The following SRBD1 variants were observed in gnomAD, a reference collection of about 807,000 sequenced individuals.
The protein encoded by SRBD1 is S1 RNA-binding domain-containing protein 1.
A neutral mutation model predicts 115.3 loss-of-function variants in SRBD1; 88 were observed. The ratio of observed to expected loss-of-function variants is 0.76; its 90% CI spans 0.64 to 0.91. The LOEUF (loss-of-function observed/expected upper bound fraction) is 0.91, where lower values mean the gene tolerates loss of function less well. Among genes scored for constraint, SRBD1 ranks in the 40% least tolerant of loss-of-function variants. The pLI is 0.00. For missense variants in SRBD1, 1,385 were observed against 1,177.4 expected, an observed-to-expected ratio of 1.18 and a Z score of -2.58; for synonymous variants, 509 against 407.7, an observed-to-expected ratio of 1.25 and a Z score of -2.99.
chr2:45,570,493 T>C (rs143767678), intron 9 of SRBD1, among the ~76,000 whole-genome samples: 73 of 152,296 alleles, frequency 4.8e-4, no homozygotes, highest in Non-Finnish European at 7.5e-4. Flanking sequence ...TTAAAGACGT[T>C]GTTAGGAGTG....
At chr2:45,540,595 C>A (rs1462993506) in intron 14 of SRBD1, among the ~76,000 whole-genome samples, 1 of 151,970 alleles carries the variant, frequency 6.6e-6, no homozygotes, top group Non-Finnish European at 1.5e-5. Context: ...AAGTCACAGA[C>A]TGGGAAAAAA....
intron 10 of SRBD1, among the ~76,000 whole-genome samples, chr2:45,557,471 C>T (rs1469393419): frequency 6.6e-6 from 1 of 152,188 alleles, no homozygotes; most frequent in African/African-American, 2.4e-5. Flanking sequence ...AAGATCCTCC[C>T]TTGGCTTGGA....
At chr2:45,390,009 G>A (rs2103808330) in intron 20 of SRBD1, among the ~76,000 whole-genome samples, 1 of 152,138 alleles carries the variant, frequency 6.6e-6, no homozygotes, top group African/African-American at 2.4e-5. Flanking sequence ...TTCCCCCAGT[G>A]CCTGGATTAT....
intron 16 of SRBD1, among the ~76,000 whole-genome samples, chr2:45,423,899 T>A (rs1572625315): frequency 6.6e-6 from 1 of 152,272 alleles, no homozygotes; most frequent in East Asian, 1.9e-4. Context: ...AGACTCACAT[T>A]GTTTTCATTT....
intron 14 of SRBD1, among the ~76,000 whole-genome samples, chr2:45,500,275 G>A (rs1403198892): frequency 6.7e-6 from 1 of 149,134 alleles, no homozygotes; most frequent in African/African-American, 2.5e-5. Flanking sequence ...TTCTGTGCAT[G>A]TCTCTGTGTG....
chr2:45,398,685 A>G (rs1390187038), intron 19 of SRBD1, among the ~76,000 whole-genome samples: 2 of 152,182 alleles, frequency 1.3e-5, no homozygotes, highest in Non-Finnish European at 2.9e-5. Flanking sequence ...AAGTCCCGAG[A>G]TAGAAATCTT....
intron 15 of SRBD1, among the ~76,000 whole-genome samples, chr2:45,480,016 G>A (rs1280226531): frequency 6.6e-6 from 1 of 152,110 alleles, no homozygotes; most frequent in East Asian, 1.9e-4. Flanking sequence ...AAGCCTGCAC[G>A]ATGGCACATA....
At chr2:45,481,320 G>C (rs1215745769) in intron 15 of SRBD1, among the ~76,000 whole-genome samples, 2 of 152,084 alleles carry the variant, frequency 1.3e-5, no homozygotes, top group African/African-American at 4.8e-5. Context: ...TTAGTGGACA[G>C]TAATAATGCA....
intron 14 of SRBD1, among the ~76,000 whole-genome samples, chr2:45,522,836 C>G (rs1260845839): frequency 6.6e-6 from 1 of 152,114 alleles, no homozygotes; most frequent in Non-Finnish European, 1.5e-5. Flanking sequence ...AGACGTATAA[C>G]ATACAGAACA....
intron 16 of SRBD1, among the ~76,000 whole-genome samples, chr2:45,445,550 T>TA (rs59451865): frequency 0.034 from 1,245 of 36,964 alleles, 136 homozygotes; most frequent in African/African-American, 0.06. Flanking sequence ...TTCCCAGAGG[T>TA]AAAAAAAAAA....
At chr2:45,578,301 T>C (rs925979916) in intron 7 of SRBD1, among the ~76,000 whole-genome samples, 1 of 152,198 alleles carries the variant, frequency 6.6e-6, no homozygotes, top group Non-Finnish European at 1.5e-5. Flanking sequence ...TTAGCTATAG[T>C]CTTAGCTATT....
intron 15 of SRBD1, among the ~76,000 whole-genome samples, chr2:45,479,234 A>G (rs1669890175): frequency 6.6e-6 from 1 of 152,094 alleles, no homozygotes; most frequent in South Asian, 2.1e-4. Context: ...TAACCCTACA[A>G]TGGCCTCTTA....
chr2:45,489,987 T>C (rs1454231178), intron 14 of SRBD1, among the ~76,000 whole-genome samples: 1 of 152,164 alleles, frequency 6.6e-6, no homozygotes, highest in Non-Finnish European at 1.5e-5. Flanking sequence ...GTAAAGTGAA[T>C]TGTTTACTTA....
intron 19 of SRBD1, among the ~76,000 whole-genome samples, chr2:45,403,905 C>T (rs987794682): frequency 1.3e-5 from 2 of 152,068 alleles, no homozygotes; most frequent in African/African-American, 4.8e-5. Flanking sequence ...TTAATATTTA[C>T]TCTGAATTTT....
At chr2:45,486,705 C>G (rs1293823368) in intron 15 of SRBD1, among the ~76,000 whole-genome samples, 2 of 151,476 alleles carry the variant, frequency 1.3e-5, no homozygotes, top group Non-Finnish European at 2.9e-5. Flanking sequence ...TGTACTCCAG[C>G]CTGGGTGACA....
At chr2:45,566,209 T>C (rs990223472) in intron 9 of SRBD1, among the ~76,000 whole-genome samples, 2 of 152,192 alleles carry the variant, frequency 1.3e-5, no homozygotes, top group Non-Finnish European at 2.9e-5. Flanking sequence ...TACTCCTAGG[T>C]ATATATCCAA....
At chr2:45,545,352 C>T (rs1394364777) in intron 14 of SRBD1, among the ~76,000 whole-genome samples, 1 of 146,376 alleles carries the variant, frequency 6.8e-6, no homozygotes, top group African/African-American at 2.6e-5. Context: ...CACAGTTCAT[C>T]CTTTCCTTTC....
chr2:45,453,158 A>T (rs1454411522), intron 16 of SRBD1, among the ~76,000 whole-genome samples: 1 of 151,868 alleles, frequency 6.6e-6, no homozygotes, highest in African/African-American at 2.4e-5. Context: ...GGTCTAGGCA[A>T]AACATCTGGT....
intron 4 of SRBD1, among the ~76,000 whole-genome samples, chr2:45,596,643 T>C (rs1673903199): frequency 6.6e-6 from 1 of 152,160 alleles, no homozygotes; most frequent in African/African-American, 2.4e-5. Context: ...TTGCATCTAC[T>C]AATCCATCAT....
Sources: gnomAD v4.1 joint callset for allele counts (sites outside exome capture counted in the v4.1 genomes callset) on GRCh38, gnomAD v4.1.1 for gene constraint, MANE v1.5 for transcripts, NCBI Gene and HGNC (gene_info 2026-07-23, HGNC 2026-07-21) for gene names.